The following PTPRT variants were observed in gnomAD, a reference collection of about 807,000 sequenced individuals.
PTPRT encodes the protein protein tyrosine phosphatase receptor type T, also known as receptor-type tyrosine-protein phosphatase T.
In PTPRT, 56 loss-of-function variants were observed where a neutral mutation model predicts 176.8. That is an observed-to-expected ratio of 0.32 (90% CI 0.26 to 0.40). The LOEUF (loss-of-function observed/expected upper bound fraction) is 0.40. Ranked by LOEUF, PTPRT falls within the 10% of genes least tolerant of loss-of-function variation. The probability of loss-of-function intolerance (pLI) is 1.00; values close to 1 mark genes in which losing one functional copy is unlikely to be tolerated. For synonymous variants in PTPRT, 783 were observed against 739.0 expected, an observed-to-expected ratio of 1.06 and a Z score of -0.96; for missense variants, 1,540 against 1,908.2, an observed-to-expected ratio of 0.81 and a Z score of 3.60.
intron 1 of PTPRT, among the ~76,000 whole-genome samples, chr20:43,155,994 A>C (rs1396640276): frequency 6.6e-6 from 1 of 152,078 alleles, no homozygotes; most frequent in Non-Finnish European, 1.5e-5. Flanking sequence ...CCTCCCTGGG[A>C]GCACTTTGAA....
At chr20:42,577,199 A>G (rs187087576) in intron 7 of PTPRT, among the ~76,000 whole-genome samples, 1 of 152,346 alleles carries the variant, frequency 6.6e-6, no homozygotes, top group East Asian at 1.9e-4. Context: ...CAGTAAAGAA[A>G]CATCAGGCTC....
At chr20:42,043,355 C>G in the PTPRT span, among the ~76,000 whole-genome samples, 2 of 152,188 alleles carry the variant, frequency 1.3e-5, no homozygotes, top group African/African-American at 4.8e-5. Flanking sequence ...TGTTGGGTCC[C>G]TTCTTTCTCC....
chr20:42,909,066 G>T (rs1415344776), intron 1 of PTPRT, among the ~76,000 whole-genome samples: 1 of 152,124 alleles, frequency 6.6e-6, no homozygotes, highest in Non-Finnish European at 1.5e-5. Flanking sequence ...GAGGTGGAAG[G>T]ATCACTTGAA....
intron 14 of PTPRT, among the ~76,000 whole-genome samples, chr20:42,246,169 G>T (rs2146903207): frequency 6.6e-6 from 1 of 152,226 alleles, no homozygotes; most frequent in East Asian, 1.9e-4. Context: ...TGCAGCTGGG[G>T]GGTAGCTGGG....
intron 1 of PTPRT, among the ~76,000 whole-genome samples, chr20:43,058,149 C>G: frequency 6.6e-6 from 1 of 152,076 alleles, no homozygotes; most frequent in East Asian, 1.9e-4. Context: ...GTGACCTTTT[C>G]TTAGTGCCAT....
chr20:42,863,962 A>G (rs930136373), intron 2 of PTPRT, among the ~76,000 whole-genome samples: 2 of 152,232 alleles, frequency 1.3e-5, no homozygotes, highest in African/African-American at 4.8e-5. Context: ...TCAGGAGCTG[A>G]CAGGTGTTCA....
At chr20:42,169,793 A>ACAC (rs1568638865) in intron 16 of PTPRT, among the ~76,000 whole-genome samples, 1,749 of 67,092 alleles carry the variant, frequency 0.026, 39 homozygotes, top group East Asian at 0.068. Flanking sequence ...CACACACACA[A>ACAC]CAGTCAGTAT....
intron 1 of PTPRT, among the ~76,000 whole-genome samples, chr20:42,892,290 T>C (rs1479842719): frequency 1.3e-5 from 2 of 152,104 alleles, no homozygotes; most frequent in Non-Finnish European, 2.9e-5. Flanking sequence ...ATTTTATAGA[T>C]GATGTATCAA....
intron 1 of PTPRT, among the ~76,000 whole-genome samples, chr20:43,031,637 G>A (rs1986142193): frequency 1.3e-5 from 2 of 152,118 alleles, no homozygotes; most frequent in African/African-American, 4.8e-5. Context: ...AGTGACCATG[G>A]AATCAGACTG....
chr20:42,337,521 T>A (rs938149010), intron 11 of PTPRT, among the ~76,000 whole-genome samples: 1 of 152,128 alleles, frequency 6.6e-6, no homozygotes, highest in Non-Finnish European at 1.5e-5. Flanking sequence ...CAGGTTCTGA[T>A]CTAGAGGAGG....
chr20:42,196,067 T>A (rs1159687361), intron 16 of PTPRT, among the ~76,000 whole-genome samples: 1 of 152,176 alleles, frequency 6.6e-6, no homozygotes, highest in Non-Finnish European at 1.5e-5. Flanking sequence ...AGAACCAATA[T>A]CTAAAATTTC....
At chr20:43,076,194 C>G (rs946901846) in intron 1 of PTPRT, among the ~76,000 whole-genome samples, 1 of 152,056 alleles carries the variant, frequency 6.6e-6, no homozygotes, top group Non-Finnish European at 1.5e-5. Context: ...TCCTTCTGTG[C>G]GTGTCTTTTC....
chr20:42,490,126 T>C (rs778211159), intron 7 of PTPRT, among the ~76,000 whole-genome samples: 10 of 152,196 alleles, frequency 6.6e-5, no homozygotes, highest in Non-Finnish European at 1.2e-4. Flanking sequence ...TGCATTTTTA[T>C]AGTTATGGCT....
intron 15 of PTPRT, among the ~76,000 whole-genome samples, chr20:42,218,692 C>A (rs2055822064): frequency 6.6e-6 from 1 of 152,176 alleles, no homozygotes; most frequent in South Asian, 2.1e-4. Flanking sequence ...GGAGCCAGGG[C>A]TATTAGGAAC....
At chr20:42,145,303 C>A (rs1257220700) in intron 17 of PTPRT, among the ~76,000 whole-genome samples, 1 of 152,126 alleles carries the variant, frequency 6.6e-6, no homozygotes, top group Non-Finnish European at 1.5e-5. Context: ...AGTTCAAGAC[C>A]AGCCTGGTCA....
At chr20:42,624,399 A>T (rs1479148516) in intron 7 of PTPRT, among the ~76,000 whole-genome samples, 1 of 152,220 alleles carries the variant, frequency 6.6e-6, no homozygotes, top group Non-Finnish European at 1.5e-5. Flanking sequence ...GAATTCCTTT[A>T]TCAGGAACAT....
intron 1 of PTPRT, among the ~76,000 whole-genome samples, chr20:43,116,379 A>G (rs1163789867): frequency 1.3e-5 from 2 of 152,176 alleles, no homozygotes; most frequent in South Asian, 2.1e-4. Flanking sequence ...AAAACACCCA[A>G]GGGCTTTGCC....
intron 15 of PTPRT, among the ~76,000 whole-genome samples, chr20:42,220,842 C>G (rs940848759): frequency 6.6e-6 from 1 of 152,112 alleles, no homozygotes. Flanking sequence ...AAACAATGAA[C>G]GTGACCCCAA....
intron 1 of PTPRT, among the ~76,000 whole-genome samples, chr20:43,158,558 T>C (rs2014592664): frequency 6.6e-6 from 1 of 152,092 alleles, no homozygotes; most frequent in Non-Finnish European, 1.5e-5. Context: ...TCATTTCATC[T>C]CCCCCATTCT....
Sources: gnomAD v4.1 joint callset for allele counts (sites outside exome capture counted in the v4.1 genomes callset) on GRCh38, gnomAD v4.1.1 for gene constraint, MANE v1.5 for transcripts, NCBI Gene and HGNC (gene_info 2026-07-23, HGNC 2026-07-21) for gene names.